Variants in LAMA2 observed in about 807,000 individuals in gnomAD.
The protein encoded by LAMA2 is laminin subunit alpha-2.
A neutral mutation model predicts 364.8 loss-of-function variants in LAMA2; 269 were observed. That is an observed-to-expected ratio of 0.74 (90% CI 0.67 to 0.82). The LOEUF is 0.82. LAMA2 is among the 40% of genes least tolerant of loss of function. LAMA2 has a pLI of 0.00. For missense variants in LAMA2, 3,807 were observed against 3,873.2 expected, an observed-to-expected ratio of 0.98 and a Z score of 0.45; for synonymous variants, 1,379 against 1,370.6, an observed-to-expected ratio of 1.01 and a Z score of -0.14.
chr6:129,229,814 A>G (rs1372198658), intron 12 of LAMA2, among the ~76,000 whole-genome samples: 2 of 152,194 alleles, frequency 1.3e-5, no homozygotes, highest in Non-Finnish European at 1.5e-5. Context: ...CTGAGCAACT[A>G]AAAGACTTGT....
Position 128,951,390 on chromosome 6 carries a change from T to C in LAMA2, c.112+68033T>C, listed in dbSNP as rs116023652. Among the ~76,000 whole-genome samples, 1,080 of 152,252 alleles carry C rather than the reference T, an allele frequency of 7.1e-3. 13 individuals carry two copies. Among genetic ancestry groups the C allele is most frequent in the African/African-American group, 0.025 (1,018 of 41,546 alleles). On this transcript the variant is annotated intron_variant, in intron 1 of 64. Coordinates refer to ENST00000421865, the MANE Select transcript of LAMA2 (RefSeq NM_000426.4). ...TAAAAGGAAGATATAAGGAGAGATA[T>C]GACACTACTTCCAAATAAAAACCCT...
At position 129,303,663 on chromosome 6, in the gene LAMA2, G is replaced by A. The variant is rs577229941; in HGVS notation, c.3174+2791G>A. On this transcript the variant is annotated intron_variant, in intron 22 of 64. Transcript: ENST00000421865. ...TAAATGACTTTTCTGCATCTATTGA[G>A]ATGACCATATGATATTTCTTTTTAA... Among the ~76,000 whole-genome samples the A allele has an allele frequency of 1.3e-4, 20 of 152,286 alleles. 1 individual carries two copies. The South Asian group carries it at 4.1e-3, about 32-fold the overall frequency.
At chr6:128,911,341 T>G (rs911404553) in intron 1 of LAMA2, among the ~76,000 whole-genome samples, 1 of 152,122 alleles carries the variant, frequency 6.6e-6, no homozygotes, top group Non-Finnish European at 1.5e-5. Context: ...ATCTCGTGGT[T>G]CGCCGTTTTT....
At chr6:129,364,509 T>C (rs930214279) in intron 32 of LAMA2, among the ~76,000 whole-genome samples, 9 of 152,222 alleles carry the variant, frequency 5.9e-5, no homozygotes, top group African/African-American at 2.2e-4. Context: ...GGCGTGCAGA[T>C]ACACCTCATT....
intron 4 of LAMA2, among the ~76,000 whole-genome samples, chr6:129,103,104 C>T (rs1213387105): frequency 6.6e-6 from 1 of 152,202 alleles, no homozygotes; most frequent in Non-Finnish European, 1.5e-5. Context: ...ACGTACCAAT[C>T]ACCTGTCTAG....
chr6:129,349,884 A>T (rs570834399), intron 31 of LAMA2, among the ~76,000 whole-genome samples: 2 of 152,184 alleles, frequency 1.3e-5, no homozygotes, highest in East Asian at 3.9e-4. Context: ...CCCAGACAAT[A>T]AAGTATTTGT....
intron 1 of LAMA2, among the ~76,000 whole-genome samples, chr6:128,923,395 T>C (rs1778870775): frequency 6.6e-6 from 1 of 150,872 alleles, no homozygotes; most frequent in African/African-American, 2.4e-5. Flanking sequence ...TGAGCAGTGG[T>C]TTGTAGTTCT....
At chr6:129,408,708 T>C (rs138021554) in intron 40 of LAMA2, among the ~76,000 whole-genome samples, 5 of 152,088 alleles carry the variant, frequency 3.3e-5, no homozygotes, top group African/African-American at 1.2e-4. Flanking sequence ...TGCTGGCAAA[T>C]TGGGCACTCA....
At chr6:129,151,427 T>C (rs1483281807) in intron 7 of LAMA2, among the ~76,000 whole-genome samples, 1 of 152,174 alleles carries the variant, frequency 6.6e-6, no homozygotes, top group East Asian at 1.9e-4. Context: ...GGCATGCTCC[T>C]ATAATCCCAG....
intron 4 of LAMA2, among the ~76,000 whole-genome samples, chr6:129,127,172 TA>T (rs1256309776): frequency 6.6e-6 from 1 of 152,216 alleles, no homozygotes; most frequent in Non-Finnish European, 1.5e-5. Flanking sequence ...TGCTGTGCAC[TA>T]AAAGTAAAAA....
At chr6:129,399,408 T>C (rs1469895251) in intron 37 of LAMA2, among the ~76,000 whole-genome samples, 1 of 152,242 alleles carries the variant, frequency 6.6e-6, no homozygotes, top group Non-Finnish European at 1.5e-5. Flanking sequence ...AGATTATGCA[T>C]TTCTAATGAG....
Position 129,081,999 on chromosome 6 carries a change from A to G in LAMA2, c.397-16174A>G, listed in dbSNP as rs1164949552. On this transcript the variant is annotated intron_variant, in intron 3 of 64. Coordinates refer to ENST00000421865, the MANE Select transcript of LAMA2 (RefSeq NM_000426.4). Reference sequence around the variant, plus strand: ...AAATATCTGGGTTTTTAAATCATGTATAACAATCAAAATATTCCTAAAAAC... The same window carrying G: ...AAATATCTGGGTTTTTAAATCATGTGTAACAATCAAAATATTCCTAAAAAC... 2.6e-5 allele frequency among the ~76,000 whole-genome samples: 4 copies of G among 152,280 alleles called. No individual in the cohort carries two copies. The East Asian group carries it at 7.7e-4, about 29-fold the overall frequency.
chr6:129,416,671 A>G (rs1780807290), intron 40 of LAMA2, among the ~76,000 whole-genome samples: 1 of 152,202 alleles, frequency 6.6e-6, no homozygotes, highest in South Asian at 2.1e-4. Context: ...CTCTGTGGCC[A>G]GTGGCACCTT....
chr6:129,293,000 T>C (rs1789822920), intron 20 of LAMA2: 2 of 985,764 alleles, frequency 2.0e-6, no homozygotes, highest in African/African-American at 3.5e-5. Context: ...TGCTGGGTTC[T>C]CCTCAGAGGT....
intron 1 of LAMA2, among the ~76,000 whole-genome samples, chr6:128,958,849 A>T (rs994955360): frequency 3.4e-4 from 52 of 152,210 alleles, no homozygotes; most frequent in African/African-American, 1.2e-3. Context: ...TCTAGCATTT[A>T]CCCCCGGATT....
chr6:129,083,177 AT>A (rs1774174309), intron 3 of LAMA2, among the ~76,000 whole-genome samples: 1 of 152,174 alleles, frequency 6.6e-6, no homozygotes, highest in Non-Finnish European at 1.5e-5. Context: ...AAAGTTTTAC[AT>A]TTTGTAACTG....
At chr6:129,249,729 C>A (rs1583337655) in intron 12 of LAMA2, among the ~76,000 whole-genome samples, 1 of 152,218 alleles carries the variant, frequency 6.6e-6, no homozygotes, top group Non-Finnish European at 1.5e-5. Flanking sequence ...GAGTGACTTT[C>A]TGGTCAGATG....
At chr6:128,904,887 A>C (rs1777324858) in intron 1 of LAMA2, among the ~76,000 whole-genome samples, 1 of 152,200 alleles carries the variant, frequency 6.6e-6, no homozygotes, top group South Asian at 2.1e-4. Flanking sequence ...CTGCTGTTGA[A>C]GGTTAGACTT....
intron 14 of LAMA2, among the ~76,000 whole-genome samples, chr6:129,257,765 C>A (rs929933501): frequency 6.6e-6 from 1 of 152,044 alleles, no homozygotes; most frequent in Non-Finnish European, 1.5e-5. Flanking sequence ...TACATTCAGG[C>A]GAGTTCTGGT....
Sources: allele counts gnomAD v4.1 joint callset (sites outside exome capture counted in the v4.1 genomes callset), GRCh38; gene constraint gnomAD v4.1.1; transcripts MANE v1.5; gene names NCBI Gene and HGNC (gene_info 2026-07-23, HGNC 2026-07-21).